The following NUMBL variants were observed in gnomAD, a reference collection of about 807,000 sequenced individuals.
NUMBL encodes the protein numb-like protein.
Under a neutral mutation model 48.9 loss-of-function variants are expected in NUMBL, and 20 were observed. The ratio of observed to expected loss-of-function variants is 0.41; its 90% CI spans 0.29 to 0.59. NUMBL has a LOEUF of 0.59. Among genes scored for constraint, NUMBL ranks in the 20% least tolerant of loss-of-function variants. The probability of loss-of-function intolerance (pLI) is 0.31; values close to 1 mark genes in which losing one functional copy is unlikely to be tolerated. For missense variants in NUMBL, 660 were observed against 846.2 expected, an observed-to-expected ratio of 0.78 and a Z score of 2.73; for synonymous variants, 340 against 348.7, an observed-to-expected ratio of 0.98 and a Z score of 0.28.
chr19:40,689,348 G>A (rs2081950123), intron 1 of NUMBL, among the ~76,000 whole-genome samples: 1 of 152,024 alleles, frequency 6.6e-6, no homozygotes. Context: ...GTGAGCAGCT[G>A]TCACACACAC....
intron 7 of NUMBL, among the ~76,000 whole-genome samples, chr19:40,676,027 G>A (rs1599906348): frequency 6.6e-6 from 1 of 152,108 alleles, no homozygotes; most frequent in African/African-American, 2.4e-5. Context: ...ACCACGCCTG[G>A]CTAATTTTTT....
At position 40,684,780 on chromosome 19, in the gene NUMBL, G is replaced by A. The variant is rs527504916; in HGVS notation, c.110-224C>T. The A allele has an allele frequency of 6.2e-4, 352 of 569,364 alleles. 1 individual carries two copies. In the African/African-American group the frequency reaches 6.5e-3, roughly 11 times the overall value. 35.3% of individuals were successfully genotyped at this position (569,364 alleles called of 1,614,324 possible). ...GGGGAGTGCGAAAGTTGGGCACTGG[G>A]GATTCAGAACCATGGGGCTAAGGGG... On this transcript the variant is annotated intron_variant, in intron 2 of 9. Transcript: ENST00000252891.
intron 1 of NUMBL, 51 bp downstream of exon 1, chr19:40,690,409 T>G (rs1313105970): frequency 4.6e-6 from 5 of 1,091,052 alleles, no homozygotes; most frequent in Non-Finnish European, 5.9e-6. Context: ...CTCCGCCACA[T>G]CAGCAGCGGC....
In NUMBL at chr19:40,682,431, C is replaced by G. The variant is rs1195699116; in HGVS notation, c.399+297G>C. Among the ~76,000 whole-genome samples, 2 of 152,200 alleles carry G rather than the reference C, an allele frequency of 1.3e-5. No homozygotes were observed. Among genetic ancestry groups the G allele is most frequent in the Non-Finnish European group, 2.9e-5 (2 of 68,034 alleles). On this transcript the variant is annotated intron_variant, in intron 5 of 9. Coordinates refer to ENST00000252891, the MANE Select transcript of NUMBL (RefSeq NM_004756.5). The surrounding 1 kb of genome is among the most constrained non-coding windows in gnomAD (Gnocchi z 4.0). ...TGAGCCACCACTCCCGGCCTATAAT[C>G]TGCATTTTTCAGATGACACAACTGA...
chr19:40,680,870 T>C (rs773358444), intron 6 of NUMBL, 47 bp downstream of exon 6: 4 of 1,610,184 alleles, frequency 2.5e-6, no homozygotes, highest in Non-Finnish European at 2.5e-6. Flanking sequence ...GGGGCTGGGA[T>C]GCCAGGGCAT....
At position 40,669,649 on chromosome 19, in the gene NUMBL, T is replaced by A. The variant is rs140259419; in HGVS notation, c.1159+249A>T. On this transcript the variant is annotated intron_variant, in intron 9 of 9. Coordinates refer to ENST00000252891, the MANE Select transcript of NUMBL (RefSeq NM_004756.5). Reference sequence around the variant, plus strand: ...AGGTAATCCCGTGGCTCTAAGATGATCCATGGATCTAGGATGATCCCCTGG... The same window carrying A: ...AGGTAATCCCGTGGCTCTAAGATGAACCATGGATCTAGGATGATCCCCTGG... 2.5e-3 allele frequency among the ~76,000 whole-genome samples: 376 copies of A among 151,302 alleles called. 1 individual carries two copies. The highest frequency in any genetic ancestry group is 8.4e-3 in the African/African-American group (348 of 41,196).
At chr19:40,675,474 C>T (rs1272108255) in intron 7 of NUMBL, among the ~76,000 whole-genome samples, 5 of 151,024 alleles carry the variant, frequency 3.3e-5, no homozygotes, top group Admixed American at 3.3e-4. Context: ...GTAGTGTTTT[C>T]CCAAAGAACT....
chr19:40,667,987 CTGCTGT>C lies in NUMBL; in HGVS notation c.1305_1310del (p.Gln445_Gln446del), dbSNP rs71173669. 0.56 allele frequency: 841,299 copies of C among 1,499,826 alleles called. 216,552 individuals carry two copies. The highest frequency in any genetic ancestry group is 0.86 in the African/African-American group (60,357 of 70,546). 92.9% of individuals were successfully genotyped at this position (1,499,826 alleles called of 1,614,324 possible). On this transcript the variant is annotated inframe_deletion, in exon 10 of 10. Coordinates refer to ENST00000252891, the MANE Select transcript of NUMBL (RefSeq NM_004756.5). The surrounding 1 kb of genome is among the most constrained non-coding windows in gnomAD (Gnocchi z 6.1). ...GCTGCTGTTGCTGCTGCTGCTGCTGCTGCTGTTGCTGTTGCTGCTGCTGCTGCTGCT... is the reference window on the plus strand; with the variant it reads ...GCTGCTGTTGCTGCTGCTGCTGCTGCTGCTGTTGCTGCTGCTGCTGCTGCT...
In NUMBL at chr19:40,679,982, GA is replaced by G. The variant is rs913740244; in HGVS notation, c.540+934del. On this transcript the variant is annotated intron_variant, in intron 6 of 9. Coordinates refer to ENST00000252891, the MANE Select transcript of NUMBL (RefSeq NM_004756.5). ...TAATTTTATGTGAATTTCACCTCAA[GA>G]AAAAAAAAAAGTTGAACTTGGGGAA... 5.5e-3 allele frequency among the ~76,000 whole-genome samples: 803 copies of G among 145,446 alleles called. 4 individuals carry two copies. The highest frequency in any genetic ancestry group is 0.017 in the African/African-American group (663 of 40,024).
At position 40,673,520 on chromosome 19, in the gene NUMBL, GCAGTGGTGCCTGCAGCCA is replaced by G. The variant is rs749611458; in HGVS notation, c.842_859del (p.Val281_Thr286del). 2 of 1,565,456 alleles carry G rather than the reference GCAGTGGTGCCTGCAGCCA, an allele frequency of 1.3e-6. No individual in the cohort carries two copies. The highest frequency in any genetic ancestry group is 1.7e-6 in the Non-Finnish European group (2 of 1,155,372). On this transcript the variant is annotated inframe_deletion, in exon 8 of 10. Transcript: ENST00000252891. The surrounding 1 kb of genome is among the most constrained non-coding windows in gnomAD (Gnocchi z 5.9). ...TGCATGGCGCCGGGGGATGGCGGCCGCAGTGGTGCCTGCAGCCACAGGGGTGCCTGCCTCACCCTTCTC... is the reference window on the plus strand; with the variant it reads ...TGCATGGCGCCGGGGGATGGCGGCCGCAGGGGTGCCTGCCTCACCCTTCTC...
At chr19:40,689,400 AGAC>A (rs1198546105) in intron 1 of NUMBL, among the ~76,000 whole-genome samples, 6 of 152,036 alleles carry the variant, frequency 3.9e-5, no homozygotes, top group African/African-American at 1.5e-4. Context: ...ACACAATCAT[AGAC>A]ACCACCACAA....
chr19:40,669,458 G>A (rs1315469841), intron 9 of NUMBL, among the ~76,000 whole-genome samples: 1 of 151,058 alleles, frequency 6.6e-6, no homozygotes, highest in African/African-American at 2.4e-5. Context: ...TGATTCTTAG[G>A]TAATCCCATG....
rs2081941211 is a variant in NUMBL at position 40,687,555 on chromosome 19, C to T, written c.25-560G>A. 6.6e-6 allele frequency among the ~76,000 whole-genome samples: 1 copy of T among 152,180 alleles called. No individual in the cohort carries two copies. The highest frequency in any genetic ancestry group is 2.1e-4 in the South Asian group (1 of 4,834). On this transcript the variant is annotated intron_variant, in intron 1 of 9. Coordinates refer to ENST00000252891, the MANE Select transcript of NUMBL (RefSeq NM_004756.5). This position sits in a 1 kb window ranked among gnomAD's most constrained non-coding sequence, Gnocchi z 4.6. ...TTCCCACCGCAGACACCTGGTCACA[C>T]CACCCACTGAAATTTGGTCACTTCC... is the stretch of plus-strand genomic sequence containing the variant.
rs536252262 is a variant in NUMBL, at chr19:40,687,679, G to A, written c.25-684C>T. Among the ~76,000 whole-genome samples the A allele has an allele frequency of 1.3e-5, 2 of 152,092 alleles. No homozygotes were observed. The highest frequency in any genetic ancestry group is 2.9e-5 in the Non-Finnish European group (2 of 68,024). ...GACAGCTATGTTTCCTCAGGCACCC[G>A]CCCAAGATACTGACGTCACAGGCCC... On this transcript the variant is annotated intron_variant, in intron 1 of 9. Coordinates refer to ENST00000252891, the MANE Select transcript of NUMBL (RefSeq NM_004756.5). This position sits in a 1 kb window ranked among gnomAD's most constrained non-coding sequence, Gnocchi z 4.6.
At chr19:40,669,262 T>C (rs2081833274) in intron 9 of NUMBL, among the ~76,000 whole-genome samples, 1 of 152,022 alleles carries the variant, frequency 6.6e-6, no homozygotes, top group Admixed American at 6.6e-5. Flanking sequence ...AGATGATCCA[T>C]AGTTCTAGGA....
At chr19:40,681,779 TCTC>T in intron 5 of NUMBL, among the ~76,000 whole-genome samples, 1 of 152,184 alleles carries the variant, frequency 6.6e-6, no homozygotes, top group South Asian at 2.1e-4. Context: ...TTCAAGTGAT[TCTC>T]CTACCTAAGC....
In NUMBL at chr19:40,673,155, A is replaced by C. The variant is rs1324572766; in HGVS notation, c.1036+189T>G. 6.6e-6 allele frequency among the ~76,000 whole-genome samples: 1 copy of C among 152,068 alleles called. No individual in the cohort carries two copies. The highest frequency in any genetic ancestry group is 2.4e-5 in the African/African-American group (1 of 41,410). Reference sequence around the variant, plus strand: ...GAGCAGACACGGCTTATCAATCCTGATTTGTGCTATCTCTTTCCTCTCCCT... The same window carrying C: ...GAGCAGACACGGCTTATCAATCCTGCTTTGTGCTATCTCTTTCCTCTCCCT... On this transcript the variant is annotated intron_variant, in intron 8 of 9. Coordinates refer to ENST00000252891, the MANE Select transcript of NUMBL (RefSeq NM_004756.5). This position sits in a 1 kb window ranked among gnomAD's most constrained non-coding sequence, Gnocchi z 5.9.
intron 6 of NUMBL, among the ~76,000 whole-genome samples, chr19:40,678,362 G>T (rs562265197): frequency 6.6e-6 from 1 of 152,266 alleles, no homozygotes; most frequent in South Asian, 2.1e-4. Flanking sequence ...GGGATTTCAT[G>T]ATGTTGGTGA....
In NUMBL at chr19:40,687,822, A is replaced by G. The variant is rs947786522; in HGVS notation, c.25-827T>C. 2.0e-5 allele frequency among the ~76,000 whole-genome samples: 3 copies of G among 152,238 alleles called. No homozygotes were observed. Among genetic ancestry groups the G allele is most frequent in the Non-Finnish European group, 4.4e-5 (3 of 68,038 alleles). ...CACTGCTGCACACTGACATCTGGTC[A>G]CAGATGCACACGGACAGACACACAT... On this transcript the variant is annotated intron_variant, in intron 1 of 9. Transcript: ENST00000252891. This position sits in a 1 kb window ranked among gnomAD's most constrained non-coding sequence, Gnocchi z 4.6.
Sources: allele counts gnomAD v4.1 joint callset (sites outside exome capture counted in the v4.1 genomes callset), GRCh38; gene constraint gnomAD v4.1.1; non-coding constraint Gnocchi (gnomAD v3.1); transcripts MANE v1.5; gene names NCBI Gene and HGNC (gene_info 2026-07-23, HGNC 2026-07-21).